FARP2: variants seen among roughly 807,000 people sequenced by gnomAD.
FARP2 encodes FERM, ARHGEF and pleckstrin domain-containing protein 2.
A neutral mutation model predicts 130.5 loss-of-function variants in FARP2; 111 were observed. The observed-to-expected ratio is 0.85, with a 90% CI of 0.73 to 1.00. The LOEUF is 1.00. Ranked by LOEUF, FARP2 falls within the 50% of genes least tolerant of loss-of-function variation. The pLI is 0.00. For missense variants in FARP2, 1,385 were observed against 1,346.3 expected, an observed-to-expected ratio of 1.03 and a Z score of -0.45; for synonymous variants, 504 against 516.9, an observed-to-expected ratio of 0.98 and a Z score of 0.34.
At chr2:241,489,198 G>C (rs2064834175) in intron 21 of FARP2, 1 of 152,266 alleles carries the variant, frequency 6.6e-6, no homozygotes, top group South Asian at 2.1e-4. Context: ...TGTCCATTCT[G>C]TGGAGTTGTT....
intron 17 of FARP2, chr2:241,466,700 C>CA: frequency 5.1e-6 from 3 of 586,286 alleles, no homozygotes; most frequent in Middle Eastern, 8.7e-4. Flanking sequence ...CCCCCCCCCC[C>CA]ACCACCACCA....
chr2:241,360,750 C>G (rs958855552), intron 1 of FARP2, among the ~76,000 whole-genome samples: 1 of 151,586 alleles, frequency 6.6e-6, no homozygotes, highest in African/African-American at 2.4e-5. Flanking sequence ...ATGCAAATGG[C>G]TAAATTGAGA....
intron 2 of FARP2, among the ~76,000 whole-genome samples, chr2:241,391,170 C>T (rs549679182): frequency 9.2e-5 from 14 of 152,332 alleles, no homozygotes; most frequent in African/African-American, 3.4e-4. Context: ...TTTGAGAGAT[C>T]TTACTGCTGA....
chr2:241,444,832 AACCC>A, intron 13 of FARP2: 1 of 152,232 alleles, frequency 6.6e-6, no homozygotes, highest in East Asian at 1.9e-4. Flanking sequence ...GAATGTAAGG[AACCC>A]GCATCACCTC....
Position 241,453,768 on chromosome 2 carries a change from G to GTTTTTT in FARP2, c.1412-2979_1412-2978insTTTTTT, listed in dbSNP as rs1559786201. 7.0e-5 allele frequency among the ~76,000 whole-genome samples: 7 copies of GTTTTTT among 99,896 alleles called. 3 individuals carry two copies. Among genetic ancestry groups the GTTTTTT allele is most frequent in the Admixed American group, 2.6e-4 (2 of 7,826 alleles). The allele number at this position is 99,896 out of a possible 152,430, so 65.5% of individuals were successfully genotyped here. A position where few individuals can be genotyped will look rare whatever the true frequency, so the allele number is the denominator to read the frequency against. ...TTGTTTACTGGGAGTGGCACTTACT[G>GTTTTTT]GTTTTTTTTTTTTTTTTTTTTTTTT... is the stretch of plus-strand genomic sequence containing the variant. On this transcript the variant is annotated intron_variant, in intron 13 of 26. Transcript: ENST00000264042.
At chr2:241,402,646 C>A (rs569803895) in intron 2 of FARP2, among the ~76,000 whole-genome samples, 15 of 151,052 alleles carry the variant, frequency 9.9e-5, no homozygotes, top group Non-Finnish European at 2.2e-4. Flanking sequence ...GAGTAATGTA[C>A]AATAAAACTC....
At chr2:241,442,569 C>A in intron 13 of FARP2, 1 of 428,820 alleles carries the variant, frequency 2.3e-6, no homozygotes, top group South Asian at 1.7e-5. Flanking sequence ...ACCCACTCAC[C>A]CACGCTGTGT....
intron 1 of FARP2, among the ~76,000 whole-genome samples, chr2:241,367,667 G>A (rs1444619936): frequency 1.3e-5 from 2 of 152,068 alleles, no homozygotes; most frequent in Non-Finnish European, 2.9e-5. Flanking sequence ...TCCCAAAGCA[G>A]ACAGTGAAAA....
At chr2:241,466,382 A>G in intron 17 of FARP2, 1 of 985,426 alleles carries the variant, frequency 1.0e-6, no homozygotes, top group Non-Finnish European at 1.2e-6. Context: ...AGCCATGACC[A>G]GGTGCAGGTG....
intron 22 of FARP2, among the ~76,000 whole-genome samples, chr2:241,490,370 C>T (rs187373867): frequency 5.3e-5 from 8 of 152,326 alleles, no homozygotes; most frequent in Non-Finnish European, 1.0e-4. Flanking sequence ...TCCCAGGGCA[C>T]AGGCGCTTCC....
chr2:241,373,179 G>T lies in FARP2; in HGVS notation c.72G>T (p.Val24=). ...AGMRLGAQTP[V]GVSTLEPGQT... is the part of the protein sequence containing the mutation. ...TGCGCTTGGGTGCCCAGACCCCTGT[G>T]GGAGTTAGCACCCTTGAGCCTGGGC... Residue 24 remains valine (V), a synonymous_variant, in exon 2 of 27, where the codon GTG becomes GTT. Coordinates refer to ENST00000264042, the MANE Select transcript of FARP2 (RefSeq NM_014808.4). The T allele has an allele frequency of 6.3e-7, 1 of 1,577,216 alleles. No individual in the cohort carries two copies. Among genetic ancestry groups the T allele is most frequent in the Non-Finnish European group, 8.6e-7 (1 of 1,156,184 alleles).
intron 13 of FARP2, chr2:241,443,813 C>G (rs1423339481): frequency 6.6e-6 from 1 of 152,258 alleles, no homozygotes; most frequent in Non-Finnish European, 1.5e-5. Flanking sequence ...TGCAATACCA[C>G]ATTTAAAGTT....
At chr2:241,468,053 G>A (rs766511220) in intron 17 of FARP2, 87 bp from the exon 18 acceptor site, 10 of 927,394 alleles carry the variant, frequency 1.1e-5, no homozygotes, top group Admixed American at 1.7e-5. Context: ...ATTTCCAGCC[G>A]GCACCTGCCA....
At chr2:241,462,699 T>C in intron 15 of FARP2, 87 bp downstream of exon 15, 1 of 978,980 alleles carries the variant, frequency 1.0e-6, no homozygotes, top group Non-Finnish European at 1.6e-6. Context: ...TTTCTTTTTT[T>C]CTTTTTTTGA....
intron 2 of FARP2, among the ~76,000 whole-genome samples, chr2:241,383,084 G>C (rs1473479673): frequency 6.6e-6 from 1 of 152,226 alleles, no homozygotes; most frequent in East Asian, 1.9e-4. Context: ...ATGGGATGTG[G>C]GTTTGGGCTG....
intron 2 of FARP2, among the ~76,000 whole-genome samples, chr2:241,382,986 A>T (rs769811806): frequency 7.2e-5 from 11 of 152,264 alleles, no homozygotes; most frequent in Non-Finnish European, 1.6e-4. Flanking sequence ...TAAAAAAGGA[A>T]ATAAGAATCG....
At chr2:241,370,270 G>A (rs897199737) in intron 1 of FARP2, among the ~76,000 whole-genome samples, 1 of 152,174 alleles carries the variant, frequency 6.6e-6, no homozygotes, top group Admixed American at 6.5e-5. Flanking sequence ...TTGTTTGCTT[G>A]TATAAGGATA....
chr2:241,423,724 C>T (rs113094026), intron 8 of FARP2, among the ~76,000 whole-genome samples: 13,663 of 152,000 alleles, frequency 0.09, 632 homozygotes, highest in Middle Eastern at 0.15. Context: ...ACCTGTCTCA[C>T]GTGCAAAGAC....
chr2:241,372,308 G>T (rs1235673959), intron 1 of FARP2, among the ~76,000 whole-genome samples: 1 of 152,020 alleles, frequency 6.6e-6, no homozygotes, highest in Non-Finnish European at 1.5e-5. Context: ...CCTGACCAGG[G>T]GCAGGTGCCT....
Sources: gnomAD v4.1 joint callset for allele counts (sites outside exome capture counted in the v4.1 genomes callset) on GRCh38, gnomAD v4.1.1 for gene constraint, MANE v1.5 for transcripts, NCBI Gene and HGNC (gene_info 2026-07-23, HGNC 2026-07-21) for gene names.